The following OLFM1 variants were observed in gnomAD, a reference collection of about 807,000 sequenced individuals.
The protein encoded by OLFM1 is noelin.
A neutral mutation model predicts 49.7 loss-of-function variants in OLFM1; 9 were observed. That is an observed-to-expected ratio of 0.18 (90% CI 0.11 to 0.32). The LOEUF is 0.32. OLFM1 is among the 10% of genes least tolerant of loss of function. The pLI, the probability that OLFM1 is intolerant of heterozygous loss-of-function variation, is 1.00. For missense variants in OLFM1, 369 were observed against 661.8 expected, an observed-to-expected ratio of 0.56 and a Z score of 4.85; for synonymous variants, 240 against 271.8, an observed-to-expected ratio of 0.88 and a Z score of 1.15.
rs1162278778 is a variant in OLFM1 at position 135,080,182 on chromosome 9, A to G, written c.96+4380A>G. Among the ~76,000 whole-genome samples the G allele has an allele frequency of 6.6e-6, 1 of 151,914 alleles. No homozygotes were observed. The highest frequency in any genetic ancestry group is 1.5e-5 in the Non-Finnish European group (1 of 68,010). ...GCAAATCCAACAAGTAGAAACGGCTAAACACTTTTACCTGCTGCAACCTAA... is the reference window on the plus strand; with the variant it reads ...GCAAATCCAACAAGTAGAAACGGCTGAACACTTTTACCTGCTGCAACCTAA... On this transcript the variant is annotated intron_variant, in intron 1 of 5. Transcript: ENST00000252854. The surrounding 1 kb of genome is among the most constrained non-coding windows in gnomAD (Gnocchi z 4.5).
At position 135,088,607 on chromosome 9, in the gene OLFM1, G is replaced by T. The variant is rs1055373854; in HGVS notation, c.150+468G>T. ...ACTGAGCCCGCCCTAGTTTGTAAAAGCCAGACTGGCCGGACCGGGCTGGGA... is the reference window on the plus strand; with the variant it reads ...ACTGAGCCCGCCCTAGTTTGTAAAATCCAGACTGGCCGGACCGGGCTGGGA... On this transcript the variant is annotated intron_variant, in intron 1 of 5. Coordinates refer to ENST00000371793, the MANE Select transcript of OLFM1 (RefSeq NM_001282611.2). This position sits in a 1 kb window ranked among gnomAD's most constrained non-coding sequence, Gnocchi z 4.8. 6.6e-6 allele frequency among the ~76,000 whole-genome samples: 1 copy of T among 152,072 alleles called. No homozygotes were observed. Among genetic ancestry groups the T allele is most frequent in the Admixed American group, 6.5e-5 (1 of 15,304 alleles).
chr9:135,100,935 T>C (rs1830862371), intron 4 of OLFM1, among the ~76,000 whole-genome samples: 1 of 152,046 alleles, frequency 6.6e-6, no homozygotes, highest in African/African-American at 2.4e-5. Flanking sequence ...ATTGATTGAT[T>C]GATTGATTGA....
Position 135,088,246 on chromosome 9 carries a change from GC to G in OLFM1, c.150+110del. ...GCGGGCGCCGCGCGGGACCCGAGTCGCCCAGGGAGGCGGCGGGGAGCAGGGC... is the reference window on the plus strand; with the variant it reads ...GCGGGCGCCGCGCGGGACCCGAGTCGCCAGGGAGGCGGCGGGGAGCAGGGC... On this transcript the variant is annotated intron_variant, in intron 1 of 5. Transcript: ENST00000371793. This position sits in a 1 kb window ranked among gnomAD's most constrained non-coding sequence, Gnocchi z 4.8. 2 of 1,066,664 alleles carry G rather than the reference GC, an allele frequency of 1.9e-6. No homozygotes were observed. Among genetic ancestry groups the G allele is most frequent in the Non-Finnish European group, 2.4e-6 (2 of 846,212 alleles). 66.1% of individuals were successfully genotyped at this position (1,066,664 alleles called of 1,614,324 possible).
In OLFM1 at chr9:135,079,221, G is replaced by T. The variant is rs549838303; in HGVS notation, c.96+3419G>T. Among the ~76,000 whole-genome samples, 5 of 152,278 alleles carry T rather than the reference G, an allele frequency of 3.3e-5. No homozygotes were observed. In the South Asian group the frequency reaches 1.0e-3, roughly 32 times the overall value. The stretch of plus-strand genomic sequence containing the variant: ...GCACCGAGTGCTCTGGGTAGGAGTT[G>T]GGGAGTGAGTTCTGTTTTGGAAGCT... On this transcript the variant is annotated intron_variant, in intron 1 of 5. Transcript: ENST00000252854.
At chr9:135,077,963 G>A (rs1830489495) in intron 1 of OLFM1, among the ~76,000 whole-genome samples, 1 of 152,226 alleles carries the variant, frequency 6.6e-6, no homozygotes, top group Admixed American at 6.5e-5. Context: ...TCCCCACCTG[G>A]GTGGGCCCCA....
exon 1 of OLFM1, chr9:135,075,735 A>G (rs145950148): frequency 2.5e-6 from 4 of 1,604,298 alleles, no homozygotes; most frequent in African/African-American, 2.7e-5. Flanking sequence ...TGGCAGCGAG[A>G]CATGCACCCG....
At chr9:135,091,623 ACACT>A (rs1447211322) in intron 2 of OLFM1, among the ~76,000 whole-genome samples, 2 of 145,920 alleles carry the variant, frequency 1.4e-5, no homozygotes, top group Non-Finnish European at 3.0e-5. Flanking sequence ...ACAGTCACAC[ACACT>A]CACATAGTCA....
chr9:135,099,795 T>C (rs1249208527), intron 4 of OLFM1, among the ~76,000 whole-genome samples: 1 of 152,202 alleles, frequency 6.6e-6, no homozygotes, highest in Non-Finnish European at 1.5e-5. Flanking sequence ...GGCTGGGTGA[T>C]CTCAGACAGT....
intron 4 of OLFM1, among the ~76,000 whole-genome samples, chr9:135,100,248 G>GAGAAGCCAA (rs1458103001): frequency 3.3e-5 from 5 of 152,214 alleles, no homozygotes; most frequent in African/African-American, 1.2e-4. Context: ...TGCAAATAGT[G>GAGAAGCCAA]AGAAGCCAAG....
intron 3 of OLFM1, among the ~76,000 whole-genome samples, chr9:135,097,490 A>G (rs1830815856): frequency 6.6e-6 from 1 of 152,186 alleles, no homozygotes; most frequent in South Asian, 2.1e-4. Context: ...CATCTTGGCA[A>G]ACGTTGTTGA....
At chr9:135,097,870 T>G in intron 3 of OLFM1, 3 of 1,595,048 alleles carry the variant, frequency 1.9e-6, no homozygotes, top group Non-Finnish European at 2.6e-6. Context: ...GAGAGCTTTT[T>G]GCACCATGCA....
At chr9:135,089,203 C>T (rs1021582576) in intron 1 of OLFM1, among the ~76,000 whole-genome samples, 4 of 152,228 alleles carry the variant, frequency 2.6e-5, no homozygotes, top group African/African-American at 7.2e-5. Context: ...TGACTTTGTT[C>T]CGGCCTGCCG....
intron 5 of OLFM1, among the ~76,000 whole-genome samples, chr9:135,114,132 T>TTTTC: frequency 9.5e-6 from 1 of 105,024 alleles, no homozygotes; most frequent in Non-Finnish European, 1.8e-5. Context: ...TCTTTTTTTT[T>TTTTC]TTTTTTTTTT....
At chr9:135,084,375 CTCTCTCCTCTCTGTCTCTATTA>C (rs1257549817), upstream of OLFM1, among the ~76,000 whole-genome samples, 2 of 149,146 alleles carry the variant, frequency 1.3e-5, no homozygotes, top group Non-Finnish European at 3.0e-5. The surrounding 1 kb of genome is among the most constrained non-coding windows in gnomAD (Gnocchi z 4.6). Flanking sequence ...CGTCTCTTCT[CTCTCTCCTCTCTGTCTCTATTA>C]TCTCTCCTCT....
At chr9:135,114,423 T>G (rs1328358819) in intron 5 of OLFM1, among the ~76,000 whole-genome samples, 1 of 152,162 alleles carries the variant, frequency 6.6e-6, no homozygotes, top group Non-Finnish European at 1.5e-5. Flanking sequence ...CCGAGATTCT[T>G]AATCCTATCT....
intron 1 of OLFM1, among the ~76,000 whole-genome samples, chr9:135,081,837 C>T (rs542630486): frequency 6.6e-6 from 1 of 152,282 alleles, no homozygotes; most frequent in South Asian, 2.1e-4. Flanking sequence ...CAGTGAGGCT[C>T]TAAACTGCCC....
rs1171541792 is a variant in OLFM1, at chr9:135,098,956, G to C, written c.676+451G>C. Among the ~76,000 whole-genome samples, 1 of 152,210 alleles carries C rather than the reference G, an allele frequency of 6.6e-6. No individual in the cohort carries two copies. The highest frequency in any genetic ancestry group is 1.5e-5 in the Non-Finnish European group (1 of 68,046). Reference sequence around the variant, plus strand: ...AACAAAATTCAATCACATCTCAGTAGAGCTGCCATTCACAGCACGGGAGGG... The same window carrying C: ...AACAAAATTCAATCACATCTCAGTACAGCTGCCATTCACAGCACGGGAGGG... On this transcript the variant is annotated intron_variant, in intron 4 of 5. Coordinates refer to ENST00000371793, the MANE Select transcript of OLFM1 (RefSeq NM_001282611.2). The surrounding 1 kb of genome is among the most constrained non-coding windows in gnomAD (Gnocchi z 5.6).
In OLFM1 at chr9:135,087,809, G is replaced by A; in HGVS notation, c.-181G>A. ...GCCACCTTCCCTGGCGCCCGGGGAA[G>A]GCGCGGCGATGGCCGGGGCGCGCGG... On this transcript the variant is annotated 5_prime_UTR_variant, in exon 1 of 6. Transcript: ENST00000371793. 2 of 799,508 alleles carry A rather than the reference G, an allele frequency of 2.5e-6. No homozygotes were observed. The highest frequency in any genetic ancestry group is 3.0e-6 in the Non-Finnish European group (2 of 662,742). The allele number at this position is 799,508 out of a possible 1,614,324, so 49.5% of individuals were successfully genotyped here.
chr9:135,110,972 G>T (rs1415044534), intron 5 of OLFM1, among the ~76,000 whole-genome samples: 3 of 152,234 alleles, frequency 2.0e-5, no homozygotes, highest in African/African-American at 7.2e-5. Flanking sequence ...GAGGCATTTG[G>T]GACGGCAGTG....
Sources: allele counts gnomAD v4.1 joint callset (sites outside exome capture counted in the v4.1 genomes callset), GRCh38; gene constraint gnomAD v4.1.1; non-coding constraint Gnocchi (gnomAD v3.1); transcripts MANE v1.5; gene names NCBI Gene and HGNC (gene_info 2026-07-23, HGNC 2026-07-21).